BTBD16: variants seen among roughly 807,000 people sequenced by gnomAD.
The protein encoded by BTBD16 is BTB domain containing 16.
A neutral mutation model predicts 67.4 loss-of-function variants in BTBD16; 66 were observed. The observed-to-expected ratio is 0.98, with a 90% CI of 0.80 to 1.20. The LOEUF (loss-of-function observed/expected upper bound fraction) is 1.20. BTBD16 is among the 50% of genes most tolerant of loss of function. BTBD16 has a pLI of 0.00. For synonymous variants in BTBD16, 242 were observed against 236.4 expected, an observed-to-expected ratio of 1.02 and a Z score of -0.22; for missense variants, 634 against 616.0, an observed-to-expected ratio of 1.03 and a Z score of -0.31.
At chr10:122,299,255 G>A (rs1435604037) in intron 9 of BTBD16, 121 bp downstream of exon 9, 18 of 1,236,864 alleles carry the variant, frequency 1.5e-5, no homozygotes, top group Non-Finnish European at 1.9e-5. Flanking sequence ...CTGCCCTCCT[G>A]GACAGCTGAG....
intron 3 of BTBD16, among the ~76,000 whole-genome samples, chr10:122,282,187 G>A (rs921736000): frequency 2.0e-5 from 3 of 152,134 alleles, no homozygotes; most frequent in African/African-American, 4.8e-5. Flanking sequence ...TGGACCTTGC[G>A]CCATATTTTC....
At chr10:122,286,057 G>T in intron 4 of BTBD16, 48 bp from the exon 5 acceptor site, 1 of 1,549,524 alleles carries the variant, frequency 6.5e-7, no homozygotes. Flanking sequence ...GCATCTTTGG[G>T]TGGGGACGTT....
chr10:122,310,138 T>G (rs982451675), intron 10 of BTBD16, among the ~76,000 whole-genome samples: 1 of 152,232 alleles, frequency 6.6e-6, no homozygotes, highest in Non-Finnish European at 1.5e-5. Context: ...ATTCAGAGAA[T>G]GTCATGCATG....
chr10:122,277,080 T>C, intron 3 of BTBD16, 141 bp downstream of exon 3: 2 of 959,388 alleles, frequency 2.1e-6, no homozygotes, highest in Non-Finnish European at 3.0e-6. Flanking sequence ...GAGCCAGCTC[T>C]CAGGCATGGA....
chr10:122,334,003 T>C (rs1320051378), intron 13 of BTBD16, among the ~76,000 whole-genome samples: 1 of 152,180 alleles, frequency 6.6e-6, no homozygotes, highest in Non-Finnish European at 1.5e-5. Context: ...TAACTCAGGT[T>C]GATATTGCCA....
In BTBD16 at chr10:122,288,399, C is replaced by T. The variant is rs556972411; in HGVS notation, c.386-1510C>T. ...CACAGAGCCAGGTGACGGATGACAGCGAGGGGAGATGGAGGGGAAAGGATC... is the reference window on the plus strand; with the variant it reads ...CACAGAGCCAGGTGACGGATGACAGTGAGGGGAGATGGAGGGGAAAGGATC... On this transcript the variant is annotated intron_variant, in intron 5 of 15. Transcript: ENST00000260723. Among the ~76,000 whole-genome samples the T allele has an allele frequency of 1.1e-4, 17 of 152,224 alleles. No individual in the cohort carries two copies. The East Asian group carries it at 2.3e-3, about 21-fold the overall frequency.
chr10:122,282,814 G>T (rs2142053076), intron 3 of BTBD16, among the ~76,000 whole-genome samples: 1 of 152,346 alleles, frequency 6.6e-6, no homozygotes, highest in Middle Eastern at 3.4e-3. Context: ...AGTTTTAAGG[G>T]GAAAATCCCA....
intron 10 of BTBD16, among the ~76,000 whole-genome samples, chr10:122,311,013 C>G (rs538315830): frequency 9.5e-6 from 1 of 105,760 alleles, no homozygotes; most frequent in Non-Finnish European, 1.9e-5. Context: ...GGAAGACAGG[C>G]TAGGAGGGAA....
chr10:122,313,378 C>G (rs2096417794), intron 10 of BTBD16, among the ~76,000 whole-genome samples: 1 of 151,116 alleles, frequency 6.6e-6, no homozygotes, highest in South Asian at 2.1e-4. Flanking sequence ...GATTCTGCTC[C>G]CTCAGCCTCC....
Position 122,309,053 on chromosome 10 carries a change from A to G in BTBD16, c.911+1745A>G, listed in dbSNP as rs988879833. 2.0e-5 allele frequency among the ~76,000 whole-genome samples: 3 copies of G among 152,166 alleles called. No individual in the cohort carries two copies. The South Asian group carries it at 6.2e-4, about 32-fold the overall frequency. On this transcript the variant is annotated intron_variant, in intron 10 of 15. Coordinates refer to ENST00000260723, the MANE Select transcript of BTBD16 (RefSeq NM_144587.5). ...TCCCAGGGACATCATAAGCAGCTTCAACAAAGGGCTTATGATCCTTTCTCT... is the reference window on the plus strand; with the variant it reads ...TCCCAGGGACATCATAAGCAGCTTCGACAAAGGGCTTATGATCCTTTCTCT...
At chr10:122,335,204 G>A (rs1281312301) in intron 14 of BTBD16, among the ~76,000 whole-genome samples, 2 of 152,316 alleles carry the variant, frequency 1.3e-5, no homozygotes, top group African/African-American at 4.8e-5. Flanking sequence ...TGAAAACTGA[G>A]CGTCTTTGTG....
At chr10:122,335,793 A>C (rs2133331849) in intron 14 of BTBD16, among the ~76,000 whole-genome samples, 1 of 152,324 alleles carries the variant, frequency 6.6e-6, no homozygotes, top group South Asian at 2.1e-4. Flanking sequence ...CAAGCTTTTG[A>C]GAGGCCATAT....
intron 3 of BTBD16, among the ~76,000 whole-genome samples, chr10:122,281,579 A>C (rs1028079328): frequency 9.9e-5 from 15 of 152,112 alleles, no homozygotes; most frequent in African/African-American, 3.6e-4. Context: ...CAGGGTATTT[A>C]ACACATCATA....
At chr10:122,310,156 T>C (rs2096411232) in intron 10 of BTBD16, among the ~76,000 whole-genome samples, 1 of 152,260 alleles carries the variant, frequency 6.6e-6, no homozygotes, top group South Asian at 2.1e-4. Context: ...ATGTGGCAAC[T>C]TGACAACATT....
Position 122,336,694 on chromosome 10 carries a change from C to T in BTBD16, c.1452+12C>T, listed in dbSNP as rs3817284. The T allele has an allele frequency of 0.34, 530,569 of 1,556,166 alleles. 96,198 individuals are homozygous for T. The highest frequency in any genetic ancestry group is 0.73 in the East Asian group (31,351 of 42,968). ...CCTGCAAAAGCCATGCAAGTGTTCA[C>T]GTTGTCTTTTCCTTTATTTCCTTTT... On this transcript the variant is annotated intron_variant, in intron 15 of 15. Coordinates refer to ENST00000260723, the MANE Select transcript of BTBD16 (RefSeq NM_144587.5).
Position 122,297,752 on chromosome 10 carries a change from A to G in BTBD16, c.591-16A>G. 6.2e-7 allele frequency: 1 copy of G among 1,613,960 alleles called. No individual in the cohort carries two copies. The highest frequency in any genetic ancestry group is 8.5e-7 in the Non-Finnish European group (1 of 1,179,890). On this transcript the variant is annotated splice_polypyrimidine_tract_variant and intron_variant, in intron 7 of 15. Coordinates refer to ENST00000260723, the MANE Select transcript of BTBD16 (RefSeq NM_144587.5). Reference sequence around the variant, plus strand: ...AGTGTGGGGTTCCTCCAGAAACTGCAGTTCTCTCTCTCCAGGTGCGTGGAT... The same window carrying G: ...AGTGTGGGGTTCCTCCAGAAACTGCGGTTCTCTCTCTCCAGGTGCGTGGAT...
intron 10 of BTBD16, among the ~76,000 whole-genome samples, chr10:122,315,995 G>A (rs934043244): frequency 3.3e-5 from 5 of 152,128 alleles, no homozygotes; most frequent in African/African-American, 4.8e-5. Context: ...GGCCGGGCAC[G>A]GTGGCTCATG....
At chr10:122,278,251 G>A (rs1370292912) in intron 3 of BTBD16, among the ~76,000 whole-genome samples, 2 of 152,074 alleles carry the variant, frequency 1.3e-5, no homozygotes, top group Non-Finnish European at 2.9e-5. Flanking sequence ...TGAGGGGTGG[G>A]GTGTTGAAAT....
chr10:122,285,907 T>C (rs74159105), intron 4 of BTBD16, among the ~76,000 whole-genome samples, 198 bp from the exon 5 acceptor site: 5,551 of 152,170 alleles, frequency 0.036, 331 homozygotes, highest in African/African-American at 0.13. Flanking sequence ...TAAGACTGGT[T>C]TGGTGTCCCC....
Sources: gnomAD v4.1 joint callset for allele counts (sites outside exome capture counted in the v4.1 genomes callset) on GRCh38, gnomAD v4.1.1 for gene constraint, MANE v1.5 for transcripts, NCBI Gene and HGNC (gene_info 2026-07-23, HGNC 2026-07-21) for gene names.